PCDH7: variants seen among roughly 807,000 people sequenced by gnomAD.
PCDH7 encodes protocadherin 7.
A neutral mutation model predicts 58.9 loss-of-function variants in PCDH7; 17 were observed. The ratio of observed to expected loss-of-function variants is 0.29; its 90% CI spans 0.20 to 0.43. The LOEUF is 0.43. PCDH7 is among the 20% of genes least tolerant of loss of function. The pLI is 1.00. For missense variants in PCDH7, 1,274 were observed against 1,441.0 expected, an observed-to-expected ratio of 0.88 and a Z score of 1.88; for synonymous variants, 664 against 616.4, an observed-to-expected ratio of 1.08 and a Z score of -1.14.
chr4:30,735,502 G>A (rs1467753666), downstream of PCDH7, among the ~76,000 whole-genome samples: 1 of 152,176 alleles, frequency 6.6e-6, no homozygotes, highest in Non-Finnish European at 1.5e-5. Flanking sequence ...CTCCTTTAAA[G>A]TGTAACTGAC....
intron 1 of PCDH7, among the ~76,000 whole-genome samples, chr4:30,875,456 A>C (rs1169563709): frequency 1.3e-5 from 2 of 152,114 alleles, no homozygotes; most frequent in African/African-American, 4.8e-5. Flanking sequence ...ACAGAGACTG[A>C]CTTGAAATCC....
intron 3 of PCDH7, among the ~76,000 whole-genome samples, chr4:31,011,806 C>T (rs1300297167): frequency 6.6e-6 from 1 of 151,864 alleles, no homozygotes; most frequent in Non-Finnish European, 1.5e-5. Flanking sequence ...TGACAAATTA[C>T]ATATGGAAAA....
chr4:30,762,593 C>T (rs1720169980), intron 1 of PCDH7, among the ~76,000 whole-genome samples: 2 of 151,982 alleles, frequency 1.3e-5, no homozygotes, highest in Non-Finnish European at 2.9e-5. Context: ...ATTTGAAGAT[C>T]GATTGAAGCT....
chr4:31,037,406 C>A (rs1398803847), intron 3 of PCDH7, among the ~76,000 whole-genome samples: 1 of 152,168 alleles, frequency 6.6e-6, no homozygotes, highest in Non-Finnish European at 1.5e-5. Flanking sequence ...ATTCAGAGTT[C>A]AGCTTAGATA....
chr4:30,904,296 A>G (rs1396872199), intron 1 of PCDH7, among the ~76,000 whole-genome samples: 2 of 152,188 alleles, frequency 1.3e-5, no homozygotes, highest in African/African-American at 4.8e-5. Flanking sequence ...TGGCAAATCA[A>G]TGTTTGTTAT....
intron 1 of PCDH7, among the ~76,000 whole-genome samples, chr4:30,848,338 G>T (rs1732257690): frequency 6.6e-6 from 1 of 151,970 alleles, no homozygotes. Context: ...AATAGTTGAG[G>T]TAATATGTCA....
chr4:30,799,434 A>G (rs917679413), intron 1 of PCDH7, among the ~76,000 whole-genome samples: 2 of 152,218 alleles, frequency 1.3e-5, no homozygotes, highest in Admixed American at 6.5e-5. Flanking sequence ...TAACACATCT[A>G]TGCAAAGTAG....
At chr4:30,865,329 T>C (rs1734740515) in intron 1 of PCDH7, among the ~76,000 whole-genome samples, 1 of 152,010 alleles carries the variant, frequency 6.6e-6, no homozygotes, top group South Asian at 2.1e-4. Flanking sequence ...AGGAGAGTGA[T>C]CGATATTTAT....
chr4:31,092,669 A>T (rs1252628070), intron 3 of PCDH7, among the ~76,000 whole-genome samples: 1 of 152,056 alleles, frequency 6.6e-6, no homozygotes, highest in East Asian at 1.9e-4. Flanking sequence ...GATGCAATTT[A>T]AGAGCCTCTA....
intron 1 of PCDH7, among the ~76,000 whole-genome samples, chr4:30,826,556 C>A (rs1314427504): frequency 6.6e-6 from 1 of 151,952 alleles, no homozygotes; most frequent in Non-Finnish European, 1.5e-5. Flanking sequence ...AAATAAGAGG[C>A]AGGAGGTTTC....
At chr4:30,759,027 C>T (rs1419203931) in intron 1 of PCDH7, among the ~76,000 whole-genome samples, 9 of 150,270 alleles carry the variant, frequency 6.0e-5, no homozygotes, top group Non-Finnish European at 8.9e-5. Flanking sequence ...CTGCAACCTC[C>T]GCCTCCCAGG....
chr4:30,731,009 T>G, exon 2 of PCDH7: 1 of 1,213,668 alleles, frequency 8.2e-7, no homozygotes, highest in South Asian at 3.9e-5. Flanking sequence ...AATGTGCTAC[T>G]AATGGATGTC....
chr4:30,722,360 A>C lies in PCDH7; in HGVS notation c.938A>C (p.Tyr313Ser). The change falls in exon 1 of 2, where the codon TAC (tyrosine) becomes TCC (serine). Residue 313 changes from tyrosine to serine, a missense_variant. By Grantham distance (144) the Tyr-to-Ser change is moderately radical. Transcript: ENST00000361762. The surrounding 1 kb of genome is among the most constrained non-coding windows in gnomAD (Gnocchi z 7.6). ...AGCCCCCGCTTCGAGAAGAGCGTGT[A>C]CGAGGCCGACTTGGCTGAGAACAGC... is the stretch of plus-strand genomic sequence containing the variant. 2 of 1,612,332 alleles carry C rather than the reference A, an allele frequency of 1.2e-6. No individual in the cohort carries two copies. The highest frequency in any genetic ancestry group is 1.7e-6 in the Non-Finnish European group (2 of 1,179,810).
At chr4:31,111,125 C>A (rs1161150328) in intron 3 of PCDH7, among the ~76,000 whole-genome samples, 1 of 151,866 alleles carries the variant, frequency 6.6e-6, no homozygotes, top group Non-Finnish European at 1.5e-5. Context: ...TCATAATGTA[C>A]AATATATGGT....
At chr4:30,730,428 A>T (rs1480886840) in intron 1 of PCDH7, among the ~76,000 whole-genome samples, 1 of 152,136 alleles carries the variant, frequency 6.6e-6, no homozygotes, top group Admixed American at 6.6e-5. Context: ...AACCACTAAA[A>T]CTAATCTTAA....
exon 2 of PCDH7, chr4:30,730,757 G>C (rs373730319): frequency 1.3e-6 from 2 of 1,599,778 alleles, no homozygotes; most frequent in Non-Finnish European, 1.7e-6. Flanking sequence ...TTTCAGATGC[G>C]TCTACATCCA....
intron 1 of PCDH7, among the ~76,000 whole-genome samples, chr4:30,765,124 G>GTTTTTTTTTTTTTT (rs1242502475): frequency 1.7e-4 from 6 of 36,022 alleles, no homozygotes; most frequent in African/African-American, 3.1e-4. Context: ...GACTTCAGAT[G>GTTTTTTTTTTTTTT]CTTTTTTTTT....
chr4:31,066,279 G>A (rs1033477114), intron 3 of PCDH7, among the ~76,000 whole-genome samples: 1 of 151,874 alleles, frequency 6.6e-6, no homozygotes, highest in African/African-American at 2.4e-5. Context: ...GTTAAATGAA[G>A]AACATAGAGC....
chr4:31,065,599 A>G (rs1490764578), intron 3 of PCDH7, among the ~76,000 whole-genome samples: 1 of 152,032 alleles, frequency 6.6e-6, no homozygotes, highest in African/African-American at 2.4e-5. Context: ...AGAGAAAATC[A>G]TGCATATAAT....
Sources: allele counts gnomAD v4.1 joint callset (sites outside exome capture counted in the v4.1 genomes callset), GRCh38; gene constraint gnomAD v4.1.1; non-coding constraint Gnocchi (gnomAD v3.1); transcripts MANE v1.5; gene names NCBI Gene and HGNC (gene_info 2026-07-23, HGNC 2026-07-21).